NUP37: variants seen among roughly 807,000 people sequenced by gnomAD.
The protein encoded by NUP37 is nucleoporin 37.
NUP37 carries 33 observed loss-of-function variants against 45.4 expected under a neutral mutation model. The observed-to-expected ratio is 0.73, with a 90% CI of 0.55 to 0.97. The LOEUF is 0.97. NUP37 is among the 50% of genes least tolerant of loss of function. NUP37 has a pLI of 0.00. For missense variants in NUP37, 365 were observed against 389.7 expected, an observed-to-expected ratio of 0.94 and a Z score of 0.53; for synonymous variants, 127 against 130.7, an observed-to-expected ratio of 0.97 and a Z score of 0.19.
intron 2 of NUP37, 123 bp downstream of exon 2, chr12:102,118,240 T>G (rs1880522610): frequency 7.3e-6 from 7 of 958,174 alleles, no homozygotes; most frequent in Middle Eastern, 2.4e-4. Flanking sequence ...TCTCTATGGA[T>G]CTTATCTTTT....
Position 102,073,460 on chromosome 12 carries a change from C to T in NUP37, c.*894G>A, listed in dbSNP as rs1002364964. The T allele has an allele frequency of 1.3e-5, 2 of 152,296 alleles. No individual in the cohort carries two copies. The highest frequency in any genetic ancestry group is 2.9e-5 in the Non-Finnish European group (2 of 68,024). 9.4% of individuals were successfully genotyped at this position (152,296 alleles called of 1,614,324 possible). ...CAAAAAGGAGGCTGTTAAAGGTATA[C>T]ACTAGAAGTCATTTTTCAAGGTAAC... On this transcript the variant is annotated 3_prime_UTR_variant, in exon 10 of 10. Coordinates refer to ENST00000552283, the MANE Select transcript of NUP37 (RefSeq NM_024057.4).
In NUP37 at chr12:102,098,535, G is replaced by GT. The variant is rs1264333347; in HGVS notation, c.449+570dup. Among the ~76,000 whole-genome samples, 451 of 142,004 alleles carry GT rather than the reference G, an allele frequency of 3.2e-3. 1 individual carries two copies. Among genetic ancestry groups the GT allele is most frequent in the Middle Eastern group, 0.011 (3 of 278 alleles). The allele number at this position is 142,004 out of a possible 152,430, so 93.2% of individuals were successfully genotyped here. A position where few individuals can be genotyped will look rare whatever the true frequency, so the allele number is the denominator to read the frequency against. ...GAAGAATTTGATCCAATATGTTTGT[G>GT]TTTTTTTTTTTTTTGAGATGGAGTG... On this transcript the variant is annotated intron_variant, in intron 5 of 9. Coordinates refer to ENST00000552283, the MANE Select transcript of NUP37 (RefSeq NM_024057.4).
chr12:102,108,979 AAT>A (rs1880235553), intron 3 of NUP37, among the ~76,000 whole-genome samples: 1 of 152,224 alleles, frequency 6.6e-6, no homozygotes. Context: ...AATGTCAGCA[AAT>A]AGAGGAGTTA....
At chr12:102,109,725 A>T (rs1037555939) in intron 3 of NUP37, among the ~76,000 whole-genome samples, 3 of 152,210 alleles carry the variant, frequency 2.0e-5, no homozygotes, top group Non-Finnish European at 4.4e-5. Context: ...CCAAACAAAA[A>T]CACCAACCAG....
At chr12:102,084,747 T>C (rs980158726) in intron 6 of NUP37, among the ~76,000 whole-genome samples, 1 of 150,838 alleles carries the variant, frequency 6.6e-6, no homozygotes, top group Non-Finnish European at 1.5e-5. Flanking sequence ...TAGAGGACTG[T>C]GGGAGCCTAA....
chr12:102,079,408 TGGTA>T (rs1426690466), intron 6 of NUP37, among the ~76,000 whole-genome samples: 13 of 152,330 alleles, frequency 8.5e-5, no homozygotes, highest in African/African-American at 2.6e-4. Flanking sequence ...TCATTATTCA[TGGTA>T]GTTTGTTATT....
intron 6 of NUP37, among the ~76,000 whole-genome samples, chr12:102,080,917 T>C (rs990872381): frequency 1.3e-5 from 2 of 152,210 alleles, no homozygotes; most frequent in Non-Finnish European, 2.9e-5. Flanking sequence ...GTATAACTTA[T>C]GGACTACGGA....
At chr12:102,077,976 G>A (rs1481063167) in intron 6 of NUP37, among the ~76,000 whole-genome samples, 1 of 152,038 alleles carries the variant, frequency 6.6e-6, no homozygotes, top group Non-Finnish European at 1.5e-5. Context: ...AAAGGAAGAG[G>A]CTATGTAAAA....
At chr12:102,113,742 T>G (rs995306498) in intron 2 of NUP37, among the ~76,000 whole-genome samples, 2 of 152,210 alleles carry the variant, frequency 1.3e-5, no homozygotes, top group Admixed American at 1.3e-4. Context: ...ACTTGATATT[T>G]AATGAAATAC....
At chr12:102,087,125 A>C (rs1263900403) in intron 5 of NUP37, among the ~76,000 whole-genome samples, 1 of 152,154 alleles carries the variant, frequency 6.6e-6, no homozygotes, top group African/African-American at 2.4e-5. Flanking sequence ...CCAACAATAA[A>C]AAAAGGACTG....
At chr12:102,076,619 C>T (rs1462251094) in intron 8 of NUP37, among the ~76,000 whole-genome samples, 178 bp downstream of exon 8, 1 of 152,076 alleles carries the variant, frequency 6.6e-6, no homozygotes, top group African/African-American at 2.4e-5. Flanking sequence ...CAAATCAACT[C>T]CTTGTCTAGA....
chr12:102,093,928 A>G (rs1416170963), intron 5 of NUP37, among the ~76,000 whole-genome samples: 1 of 152,150 alleles, frequency 6.6e-6, no homozygotes, highest in Non-Finnish European at 1.5e-5. Context: ...ACAGAAAAGA[A>G]CAAAGTATCA....
chr12:102,090,237 T>C (rs1879610284), intron 5 of NUP37, among the ~76,000 whole-genome samples: 2 of 144,154 alleles, frequency 1.4e-5, no homozygotes, highest in South Asian at 2.1e-4. Flanking sequence ...TTCTCAACTC[T>C]TTTTTTTTTT....
chr12:102,115,230 A>C, intron 2 of NUP37, among the ~76,000 whole-genome samples: 1 of 152,216 alleles, frequency 6.6e-6, no homozygotes, highest in East Asian at 1.9e-4. Context: ...TATATTAAAG[A>C]TTACTGTCGA....
intron 5 of NUP37, among the ~76,000 whole-genome samples, chr12:102,090,352 TTC>T (rs1879614745): frequency 6.6e-6 from 1 of 152,206 alleles, no homozygotes; most frequent in African/African-American, 2.4e-5. Context: ...TGACAGATTT[TTC>T]TTTTTTCCCC....
intron 9 of NUP37, chr12:102,074,736 G>T (rs1040419120): frequency 4.6e-6 from 2 of 431,862 alleles, no homozygotes; most frequent in Non-Finnish European, 8.1e-6. Context: ...TTTAAATAAA[G>T]AAGAAAATAT....
chr12:102,097,727 GA>G (rs1274423200), intron 5 of NUP37, among the ~76,000 whole-genome samples: 1 of 152,098 alleles, frequency 6.6e-6, no homozygotes, highest in African/African-American at 2.4e-5. Context: ...ATGTTTTAAA[GA>G]GCTGAAATGC....
At chr12:102,090,686 A>C (rs1301714439) in intron 5 of NUP37, among the ~76,000 whole-genome samples, 1 of 152,226 alleles carries the variant, frequency 6.6e-6, no homozygotes, top group Non-Finnish European at 1.5e-5. Flanking sequence ...AGTATTCTGA[A>C]TTAAGACTGC....
intron 2 of NUP37, 58 bp from the exon 3 acceptor site, chr12:102,112,290 G>C (rs1277005510): frequency 7.4e-7 from 1 of 1,356,818 alleles, no homozygotes; most frequent in African/African-American, 1.5e-5. Flanking sequence ...ATAATATTCT[G>C]TATTTCATTA....
Sources: allele counts gnomAD v4.1 joint callset (sites outside exome capture counted in the v4.1 genomes callset), GRCh38; gene constraint gnomAD v4.1.1; transcripts MANE v1.5; gene names NCBI Gene and HGNC (gene_info 2026-07-23, HGNC 2026-07-21).